The following SPMIP4 variants were observed in gnomAD, a reference collection of about 807,000 sequenced individuals.
SPMIP4 encodes the protein sperm-associated microtubule inner protein 4.
At chr7:25,176,494 G>C in the SPMIP4 span, among the ~76,000 whole-genome samples, 2 of 152,176 alleles carry the variant, frequency 1.3e-5, no homozygotes, top group African/African-American at 4.8e-5. This position sits in a 1 kb window ranked among gnomAD's most constrained non-coding sequence, Gnocchi z 4.4. Flanking sequence ...AATGGTAGAG[G>C]AGTAGGGGCA....
the SPMIP4 span, among the ~76,000 whole-genome samples, chr7:25,140,085 C>A: frequency 6.6e-6 from 1 of 152,122 alleles, no homozygotes; most frequent in African/African-American, 2.4e-5. Flanking sequence ...CTCTGGAAAT[C>A]TGGACAGTTG....
the SPMIP4 span, among the ~76,000 whole-genome samples, chr7:25,149,644 A>G: frequency 6.6e-6 from 1 of 152,226 alleles, no homozygotes; most frequent in South Asian, 2.1e-4. Context: ...TCATAATTTA[A>G]TTGATGAAAT....
the SPMIP4 span, chr7:25,136,915 G>T: frequency 1.1e-6 from 1 of 922,056 alleles, no homozygotes; most frequent in East Asian, 2.4e-5. This position sits in a 1 kb window ranked among gnomAD's most constrained non-coding sequence, Gnocchi z 5.7. Flanking sequence ...AGTGTACATT[G>T]CAATGCTCTT....
At chr7:25,132,090 A>ACC in the SPMIP4 span, among the ~76,000 whole-genome samples, 1 of 152,140 alleles carries the variant, frequency 6.6e-6, no homozygotes, top group African/African-American at 2.4e-5. The surrounding 1 kb of genome is among the most constrained non-coding windows in gnomAD (Gnocchi z 5.0). Flanking sequence ...CAGGGAGGGG[A>ACC]CCCAAAGAGG....
At chr7:25,166,999 A>G in the SPMIP4 span, among the ~76,000 whole-genome samples, 1 of 152,216 alleles carries the variant, frequency 6.6e-6, no homozygotes, top group African/African-American at 2.4e-5. Flanking sequence ...CACAAATATC[A>G]TTTTGAAGTA....
the SPMIP4 span, among the ~76,000 whole-genome samples, chr7:25,163,471 A>G: frequency 3.3e-5 from 5 of 152,254 alleles, no homozygotes; most frequent in Non-Finnish European, 5.9e-5. The surrounding 1 kb of genome is among the most constrained non-coding windows in gnomAD (Gnocchi z 4.4). Context: ...GCCATTGAGT[A>G]TGTTCTCAAT....
the SPMIP4 span, among the ~76,000 whole-genome samples, chr7:25,152,674 C>T: frequency 1.3e-5 from 2 of 151,690 alleles, no homozygotes; most frequent in African/African-American, 2.4e-5. Context: ...TTCCTTCCTT[C>T]TTTCCTTCCT....
the SPMIP4 span, among the ~76,000 whole-genome samples, chr7:25,126,908 G>T: frequency 6.6e-6 from 1 of 152,056 alleles, no homozygotes; most frequent in Non-Finnish European, 1.5e-5. Flanking sequence ...GTTTGCCTGG[G>T]AAAGTCTTTA....
the SPMIP4 span, among the ~76,000 whole-genome samples, chr7:25,145,230 C>T: frequency 8.5e-5 from 8 of 93,694 alleles, no homozygotes; most frequent in Non-Finnish European, 2.2e-4. Flanking sequence ...TCCCAAAATG[C>T]TGGGATTACA....
chr7:25,177,078 A>G, the SPMIP4 span, among the ~76,000 whole-genome samples: 1 of 152,376 alleles, frequency 6.6e-6, no homozygotes, highest in East Asian at 1.9e-4. Context: ...GGCAGAAATT[A>G]CAAGGGAAAA....
At chr7:25,169,728 C>T in the SPMIP4 span, among the ~76,000 whole-genome samples, 3 of 152,126 alleles carry the variant, frequency 2.0e-5, no homozygotes, top group East Asian at 1.9e-4. Flanking sequence ...GTGCCCACCA[C>T]CACGCCTGGC....
the SPMIP4 span, among the ~76,000 whole-genome samples, chr7:25,162,533 A>T: frequency 6.6e-6 from 1 of 152,098 alleles, no homozygotes; most frequent in Non-Finnish European, 1.5e-5. Flanking sequence ...CTAAAGGATA[A>T]GAAAAGTACT....
the SPMIP4 span, chr7:25,161,216 T>G: frequency 6.4e-7 from 1 of 1,566,498 alleles, no homozygotes; most frequent in South Asian, 1.2e-5. Flanking sequence ...GACATCACTT[T>G]TTTTGTTCTG....
the SPMIP4 span, among the ~76,000 whole-genome samples, chr7:25,169,352 T>C: frequency 6.6e-6 from 1 of 152,072 alleles, no homozygotes. Context: ...AAGAATACCC[T>C]GTATTGCTAA....
chr7:25,171,777 T>C, the SPMIP4 span, among the ~76,000 whole-genome samples: 1 of 152,006 alleles, frequency 6.6e-6, no homozygotes, highest in East Asian at 1.9e-4. Flanking sequence ...GTGAGGAAAC[T>C]AAAGGAGACC....
chr7:25,136,075 A>G, the SPMIP4 span: 1 of 1,613,998 alleles, frequency 6.2e-7, no homozygotes, highest in African/African-American at 1.3e-5. The surrounding 1 kb of genome is among the most constrained non-coding windows in gnomAD (Gnocchi z 5.7). Flanking sequence ...TGATTTATGG[A>G]AACGCTTTTG....
the SPMIP4 span, among the ~76,000 whole-genome samples, chr7:25,147,219 G>A: frequency 6.6e-6 from 1 of 152,198 alleles, no homozygotes; most frequent in Non-Finnish European, 1.5e-5. Context: ...GCTTGAACCC[G>A]GAAGGCGGAG....
At chr7:25,176,547 A>G in the SPMIP4 span, among the ~76,000 whole-genome samples, 11 of 152,348 alleles carry the variant, frequency 7.2e-5, no homozygotes, top group African/African-American at 2.4e-4. This position sits in a 1 kb window ranked among gnomAD's most constrained non-coding sequence, Gnocchi z 4.4. Flanking sequence ...TTTTCCTCCA[A>G]TACAAGAATA....
the SPMIP4 span, among the ~76,000 whole-genome samples, chr7:25,128,748 C>T: frequency 1.3e-5 from 2 of 152,202 alleles, no homozygotes; most frequent in Non-Finnish European, 2.9e-5. The surrounding 1 kb of genome is among the most constrained non-coding windows in gnomAD (Gnocchi z 4.5). Flanking sequence ...TTTTCCCTCT[C>T]CTTTCCTCAA....
Sources: allele counts gnomAD v4.1 joint callset (sites outside exome capture counted in the v4.1 genomes callset), GRCh38; gene constraint gnomAD v4.1.1; non-coding constraint Gnocchi (gnomAD v3.1); transcripts MANE v1.5; gene names NCBI Gene and HGNC (gene_info 2026-07-23, HGNC 2026-07-21).